RAD51B: variants seen among roughly 807,000 people sequenced by gnomAD.
The protein encoded by RAD51B is RAD51 paralog B.
In RAD51B, 38 loss-of-function variants were observed where a neutral mutation model predicts 42.2. The ratio of observed to expected loss-of-function variants is 0.90; its 90% CI spans 0.70 to 1.18. The LOEUF (loss-of-function observed/expected upper bound fraction) is 1.18. RAD51B is among the 50% of genes most tolerant of loss of function. The probability of loss-of-function intolerance (pLI) is 0.00; values close to 1 mark genes in which losing one functional copy is unlikely to be tolerated. For missense variants in RAD51B, 373 were observed against 400.7 expected (o/e 0.93, Z 0.59); for synonymous variants, 154 against 145.2 (o/e 1.06, Z -0.43).
chr14:68,336,489 A>C (rs376409457), intron 8 of RAD51B, among the ~76,000 whole-genome samples: 3 of 152,246 alleles, frequency 2.0e-5, no homozygotes, highest in African/African-American at 7.2e-5. Context: ...TCTAGTTGAC[A>C]AAAGAAATAA....
chr14:68,075,052 G>T (rs1188913910), intron 7 of RAD51B, among the ~76,000 whole-genome samples: 1 of 152,188 alleles, frequency 6.6e-6, no homozygotes, highest in Non-Finnish European at 1.5e-5. Flanking sequence ...TCCCAAGCTT[G>T]GAACCTTGGC....
intron 8 of RAD51B, among the ~76,000 whole-genome samples, chr14:68,396,468 G>A (rs972267115): frequency 1.3e-5 from 2 of 152,092 alleles, no homozygotes; most frequent in African/African-American, 2.4e-5. Flanking sequence ...TTAACACAGC[G>A]ATTCTATTTA....
At position 68,320,992 on chromosome 14, in the gene RAD51B, C is replaced by G. The variant is rs535988338; in HGVS notation, c.853+29012C>G. Among the ~76,000 whole-genome samples, 55 of 152,290 alleles carry G rather than the reference C, an allele frequency of 3.6e-4. No homozygotes were observed. In the South Asian group the frequency reaches 9.9e-3, roughly 28 times the overall value. Reference sequence around the variant, plus strand: ...ACACATCTCTCATGTTTCTTTCCCCCCTGCAGAAGTATAGAAACCTCCTCT... The same window carrying G: ...ACACATCTCTCATGTTTCTTTCCCCGCTGCAGAAGTATAGAAACCTCCTCT... On this transcript the variant is annotated intron_variant, in intron 8 of 10. Transcript: ENST00000471583.
chr14:67,942,953 G>T (rs527851633), intron 7 of RAD51B, among the ~76,000 whole-genome samples: 6 of 152,042 alleles, frequency 3.9e-5, no homozygotes, highest in Admixed American at 1.3e-4. Flanking sequence ...ACGTTCTTTT[G>T]TCAGTTTTCT....
intron 7 of RAD51B, among the ~76,000 whole-genome samples, chr14:68,263,139 A>T (rs1474188304): frequency 1.3e-5 from 2 of 152,170 alleles, no homozygotes; most frequent in Non-Finnish European, 2.9e-5. Flanking sequence ...GACCACCCTG[A>T]TGCTCTGTGA....
intron 9 of RAD51B, among the ~76,000 whole-genome samples, chr14:68,417,504 G>C (rs2084591499): frequency 6.6e-6 from 1 of 152,166 alleles, no homozygotes; most frequent in Non-Finnish European, 1.5e-5. Context: ...GGTATTAAGT[G>C]GATTGGGGAA....
At chr14:68,159,968 C>T (rs2078602671) in intron 7 of RAD51B, among the ~76,000 whole-genome samples, 1 of 151,984 alleles carries the variant, frequency 6.6e-6, no homozygotes, top group Admixed American at 6.6e-5. Context: ...ACCCTATACC[C>T]ACAACAGAAA....
intron 7 of RAD51B, among the ~76,000 whole-genome samples, chr14:68,158,824 A>G (rs956463708): frequency 6.6e-6 from 1 of 152,170 alleles, no homozygotes; most frequent in Non-Finnish European, 1.5e-5. Context: ...GAATAATAAT[A>G]CTTTCATTGG....
At chr14:67,981,202 G>C (rs1446512943) in intron 7 of RAD51B, among the ~76,000 whole-genome samples, 5 of 152,198 alleles carry the variant, frequency 3.3e-5, no homozygotes, top group Admixed American at 6.5e-5. Flanking sequence ...GAAATGAAAA[G>C]TGTACTGCAA....
chr14:68,498,818 A>G (rs991903571), intron 10 of RAD51B, among the ~76,000 whole-genome samples: 2 of 152,200 alleles, frequency 1.3e-5, no homozygotes, highest in Non-Finnish European at 2.9e-5. Flanking sequence ...CAAAAAATGC[A>G]TTGTATTATA....
intron 7 of RAD51B, among the ~76,000 whole-genome samples, chr14:68,236,997 T>C (rs1489032868): frequency 1.3e-5 from 2 of 152,240 alleles, no homozygotes; most frequent in Admixed American, 6.5e-5. Context: ...GACACCTGTA[T>C]GACCCTTCAT....
chr14:68,182,100 A>G (rs2079071104), intron 7 of RAD51B, among the ~76,000 whole-genome samples: 1 of 152,176 alleles, frequency 6.6e-6, no homozygotes, highest in Non-Finnish European at 1.5e-5. Flanking sequence ...TTGGTGTCTA[A>G]TGTGTGGTCT....
At chr14:68,415,904 C>T (rs1460354330) in intron 9 of RAD51B, among the ~76,000 whole-genome samples, 6 of 152,150 alleles carry the variant, frequency 3.9e-5, no homozygotes, top group African/African-American at 1.4e-4. Context: ...CCTGACTAAG[C>T]CTCACACCCG....
intron 7 of RAD51B, among the ~76,000 whole-genome samples, chr14:68,186,661 T>G (rs1346420451): frequency 6.6e-6 from 1 of 152,054 alleles, no homozygotes; most frequent in African/African-American, 2.4e-5. Context: ...AAAACCACAA[T>G]GAGATACCAT....
At chr14:68,438,354 G>C (rs954427627) in intron 9 of RAD51B, among the ~76,000 whole-genome samples, 3 of 152,128 alleles carry the variant, frequency 2.0e-5, no homozygotes, top group African/African-American at 7.2e-5. Context: ...TGGGAAGGGG[G>C]TTGTTCCTGA....
At chr14:68,285,091 G>C (rs1470695540) in intron 7 of RAD51B, among the ~76,000 whole-genome samples, 2 of 152,180 alleles carry the variant, frequency 1.3e-5, no homozygotes, top group African/African-American at 2.4e-5. Context: ...CGTCATGGTT[G>C]GGGAGCAGGA....
chr14:68,463,798 G>T lies in RAD51B; in HGVS notation c.958-4374G>T, dbSNP rs752312925. Among the ~76,000 whole-genome samples, 109 of 152,230 alleles carry T rather than the reference G, an allele frequency of 7.2e-4. 1 individual carries two copies. Among genetic ancestry groups the T allele is most frequent in the African/African-American group, 2.5e-3 (102 of 41,526 alleles). ...TGGGCCTCTAACCACCTTCTTGTTTGTCATTTTTTCTTTTGGAATTTGGGC... is the reference window on the plus strand; with the variant it reads ...TGGGCCTCTAACCACCTTCTTGTTTTTCATTTTTTCTTTTGGAATTTGGGC... On this transcript the variant is annotated intron_variant, in intron 9 of 10. Transcript: ENST00000471583.
intron 8 of RAD51B, among the ~76,000 whole-genome samples, chr14:68,389,307 A>G (rs1017221527): frequency 2.0e-5 from 3 of 152,060 alleles, no homozygotes; most frequent in African/African-American, 7.2e-5. Context: ...CCCAAAGGTA[A>G]CTAACTACTA....
At chr14:68,626,439 A>G (rs1892082137) in intron 10 of RAD51B, among the ~76,000 whole-genome samples, 1 of 152,180 alleles carries the variant, frequency 6.6e-6, no homozygotes, top group African/African-American at 2.4e-5. Context: ...TATCTCTCAC[A>G]TCTCTGTTGA....
Sources: gnomAD v4.1 joint callset for allele counts (sites outside exome capture counted in the v4.1 genomes callset) on GRCh38, gnomAD v4.1.1 for gene constraint, MANE v1.5 for transcripts, NCBI Gene and HGNC (gene_info 2026-07-23, HGNC 2026-07-21) for gene names.